XKR4: variants seen among roughly 807,000 people sequenced by gnomAD.
XKR4 encodes the protein XK-related protein 4.
XKR4 carries 12 observed loss-of-function variants against 53.9 expected under a neutral mutation model. That is an observed-to-expected ratio of 0.22 (90% CI 0.14 to 0.36). The LOEUF is 0.36. Among genes scored for constraint, XKR4 ranks in the 10% least tolerant of loss-of-function variants. The pLI, the probability that XKR4 is intolerant of heterozygous loss-of-function variation, is 1.00. For missense variants in XKR4, 799 were observed against 859.5 expected (o/e 0.93, Z 0.88); for synonymous variants, 354 against 362.4 (o/e 0.98, Z 0.26).
At chr8:55,261,311 CT>C (rs1818521986) in intron 1 of XKR4, among the ~76,000 whole-genome samples, 1 of 152,156 alleles carries the variant, frequency 6.6e-6, no homozygotes, top group South Asian at 2.1e-4. Context: ...CTTCAAAGAC[CT>C]AATATCCTAG....
intron 1 of XKR4, among the ~76,000 whole-genome samples, chr8:55,239,627 A>G (rs1818180617): frequency 6.6e-6 from 1 of 152,158 alleles, no homozygotes; most frequent in Non-Finnish European, 1.5e-5. Flanking sequence ...TTCTTCTAAT[A>G]TTCTGCCCTG....
At chr8:55,263,319 G>A (rs1818554480) in intron 1 of XKR4, among the ~76,000 whole-genome samples, 1 of 152,218 alleles carries the variant, frequency 6.6e-6, no homozygotes, top group African/African-American at 2.4e-5. Flanking sequence ...ATCACAAGGT[G>A]GTGCCAAGGG....
chr8:55,270,837 G>T (rs916866221), intron 1 of XKR4, among the ~76,000 whole-genome samples: 2 of 152,106 alleles, frequency 1.3e-5, no homozygotes, highest in African/African-American at 4.8e-5. Context: ...TCTGCACATG[G>T]CTATCTCAGC....
chr8:55,352,695 T>C (rs1803740493), intron 1 of XKR4, among the ~76,000 whole-genome samples: 1 of 152,204 alleles, frequency 6.6e-6, no homozygotes, highest in African/African-American at 2.4e-5. Flanking sequence ...TCAACCTATG[T>C]GATTGGTACT....
intron 2 of XKR4, among the ~76,000 whole-genome samples, chr8:55,462,421 T>C (rs1157953202): frequency 1.3e-5 from 2 of 152,118 alleles, no homozygotes; most frequent in Non-Finnish European, 2.9e-5. Context: ...GACAAGCAAA[T>C]GCTGAGAGAT....
rs137997691 is a variant in XKR4 at position 55,278,054 on chromosome 8, G to A, written c.807-79624G>A. Among the ~76,000 whole-genome samples, 749 of 152,280 alleles carry A rather than the reference G, an allele frequency of 4.9e-3. 3 individuals carry two copies. Among genetic ancestry groups the A allele is most frequent in the East Asian group, 0.011 (59 of 5,188 alleles). ...AGTAATAAAACAAAGCATACATCCAGTCAGGTGCAATGGCTTACATCTATA... is the reference window on the plus strand; with the variant it reads ...AGTAATAAAACAAAGCATACATCCAATCAGGTGCAATGGCTTACATCTATA... On this transcript the variant is annotated intron_variant, in intron 1 of 2. Coordinates refer to ENST00000327381, the MANE Select transcript of XKR4 (RefSeq NM_052898.2).
At chr8:55,443,855 GA>G (rs1006244285) in intron 2 of XKR4, among the ~76,000 whole-genome samples, 2 of 29,848 alleles carry the variant, frequency 6.7e-5, no homozygotes, top group African/African-American at 4.7e-4. Context: ...AAAAAAAAAA[GA>G]AAGAAAAGAA....
chr8:55,389,970 T>G (rs112885104), intron 2 of XKR4, among the ~76,000 whole-genome samples: 442 of 152,270 alleles, frequency 2.9e-3, no homozygotes, highest in African/African-American at 0.01. Flanking sequence ...TAGGTTCTAA[T>G]TGTTATATGG....
intron 1 of XKR4, among the ~76,000 whole-genome samples, chr8:55,234,866 C>G (rs1818097400): frequency 6.6e-6 from 1 of 152,172 alleles, no homozygotes; most frequent in Non-Finnish European, 1.5e-5. Flanking sequence ...GGCTTCAGAG[C>G]AGGGTGACCG....
intron 1 of XKR4, among the ~76,000 whole-genome samples, chr8:55,305,868 C>G (rs1236879980): frequency 1.3e-5 from 2 of 152,094 alleles, no homozygotes; most frequent in African/African-American, 4.8e-5. Flanking sequence ...AAACTCTTTC[C>G]TACCCCCAAT....
intron 2 of XKR4, chr8:55,450,638 A>C: frequency 1.6e-6 from 1 of 636,486 alleles, no homozygotes; most frequent in Middle Eastern, 3.5e-4. Context: ...TAGGCAGTCC[A>C]AGAACTACAG....
At chr8:55,343,805 GAC>G (rs1803593763) in intron 1 of XKR4, among the ~76,000 whole-genome samples, 1 of 152,188 alleles carries the variant, frequency 6.6e-6, no homozygotes, top group African/African-American at 2.4e-5. Context: ...ATTCTGGAGA[GAC>G]ACAGCTTGAA....
At chr8:55,482,265 A>C (rs918285158) in intron 2 of XKR4, among the ~76,000 whole-genome samples, 9 of 152,164 alleles carry the variant, frequency 5.9e-5, no homozygotes, top group African/African-American at 2.2e-4. Flanking sequence ...ATGAAGCTGG[A>C]AACCATCATT....
chr8:55,307,246 C>A (rs1250367768), intron 1 of XKR4, among the ~76,000 whole-genome samples: 1 of 152,144 alleles, frequency 6.6e-6, no homozygotes, highest in Non-Finnish European at 1.5e-5. Flanking sequence ...AGATACCCAA[C>A]AAAGGACTAG....
intron 2 of XKR4, among the ~76,000 whole-genome samples, chr8:55,470,209 T>C (rs747780537): frequency 6.6e-6 from 1 of 152,084 alleles, no homozygotes; most frequent in Non-Finnish European, 1.5e-5. Context: ...ATAATAATAT[T>C]GGGGGGAAAT....
intron 1 of XKR4, among the ~76,000 whole-genome samples, chr8:55,305,404 G>A (rs1819281293): frequency 6.6e-6 from 1 of 152,028 alleles, no homozygotes; most frequent in African/African-American, 2.4e-5. Flanking sequence ...GAGAAAGGAG[G>A]GGGTCACCGG....
intron 1 of XKR4, among the ~76,000 whole-genome samples, chr8:55,327,892 T>G (rs1803317604): frequency 6.6e-6 from 1 of 152,160 alleles, no homozygotes; most frequent in Non-Finnish European, 1.5e-5. Context: ...CATGGATAAC[T>G]CTAGCAGCAA....
intron 1 of XKR4, among the ~76,000 whole-genome samples, chr8:55,153,807 C>T (rs989744327): frequency 9.2e-5 from 14 of 152,172 alleles, no homozygotes. Flanking sequence ...AGCTGATATG[C>T]TCATGCTTTC....
Position 55,529,204 on chromosome 8 carries a change from G to A in XKR4, c.*4977G>A, listed in dbSNP as rs930567321. ...AAGCAGCCTGCTCTCACAGCAGAGA[G>A]CCACATGGAAGAAGTGCCAAATAGC... On this transcript the variant is annotated 3_prime_UTR_variant, in exon 3 of 3. Coordinates refer to ENST00000327381, the MANE Select transcript of XKR4 (RefSeq NM_052898.2). 3.3e-5 allele frequency: 5 copies of A among 151,832 alleles called. No individual in the cohort carries two copies. The highest frequency in any genetic ancestry group is 1.2e-4 in the African/African-American group (5 of 41,286). The allele number at this position is 151,832 out of a possible 1,614,324, so 9.4% of individuals were successfully genotyped here.
Sources: allele counts gnomAD v4.1 joint callset (sites outside exome capture counted in the v4.1 genomes callset), GRCh38; gene constraint gnomAD v4.1.1; transcripts MANE v1.5; gene names NCBI Gene and HGNC (gene_info 2026-07-23, HGNC 2026-07-21).